The following UTP6 variants were observed in gnomAD, a reference collection of about 807,000 sequenced individuals.
UTP6 encodes UTP6 small subunit processome component.
In UTP6, 60 loss-of-function variants were observed where a neutral mutation model predicts 96.5. The ratio of observed to expected loss-of-function variants is 0.62; its 90% confidence interval spans 0.51 to 0.77. UTP6 has a LOEUF of 0.77. Among genes scored for constraint, UTP6 ranks in the 30% least tolerant of loss-of-function variants. The pLI is 0.00. For synonymous variants in UTP6, 215 were observed against 240.1 expected (o/e 0.90, Z 0.96); for missense variants, 637 against 706.5 (o/e 0.90, Z 1.12).
intron 16 of UTP6, among the ~76,000 whole-genome samples, chr17:31,870,258 C>T (rs1215366713): frequency 6.6e-6 from 1 of 152,112 alleles, no homozygotes; most frequent in African/African-American, 2.4e-5. Context: ...AGCTGATTTC[C>T]ACAGTGGCTG....
intron 6 of UTP6, among the ~76,000 whole-genome samples, chr17:31,891,037 C>T (rs1911463686): frequency 6.6e-6 from 1 of 151,942 alleles, no homozygotes; most frequent in African/African-American, 2.4e-5. Flanking sequence ...TCTCTAAAAC[C>T]CTTTGTCCTT....
chr17:31,880,944 G>A (rs1910796191), intron 10 of UTP6, among the ~76,000 whole-genome samples, 190 bp from the exon 11 acceptor site: 1 of 152,174 alleles, frequency 6.6e-6, no homozygotes. Flanking sequence ...GGGAGTCTGA[G>A]GTGGGTGGAT....
In UTP6 at chr17:31,887,227, G is replaced by C; in HGVS notation, c.621+9C>G. ...TTAGCAAGTGAGAATAAAATAATTA[G>C]AACCTTACCACATCCATACTGGCTT... On this transcript the variant is annotated intron_variant, in intron 8 of 18. Transcript: ENST00000261708. The C allele has an allele frequency of 3.1e-6, 5 of 1,611,960 alleles. No individual in the cohort carries two copies. Among genetic ancestry groups the C allele is most frequent in the Non-Finnish European group, 4.2e-6 (5 of 1,178,134 alleles).
chr17:31,871,214 G>A (rs188909661), intron 16 of UTP6, among the ~76,000 whole-genome samples: 115 of 151,484 alleles, frequency 7.6e-4, no homozygotes, highest in African/African-American at 2.6e-3. Flanking sequence ...GGATGGTCTC[G>A]AACTCCTGAC....
Position 31,868,096 on chromosome 17 carries a change from G to C in UTP6, c.1513C>G (p.Pro505Ala). ...TTCCTGAAAAAGTCAACTGAAAATG[G>C]TCGGCTCTCCTGTAAACTAAAAAGG... is the stretch of plus-strand genomic sequence containing the variant. ...AVFKSLQESR[P>A]FSVDFFRKMI... Residue 505 changes from proline (P) to alanine (A), a missense_variant, in exon 17 of 19, where the codon CCA becomes GCA. Transcript: ENST00000261708. 6.2e-7 allele frequency: 1 copy of C among 1,613,198 alleles called. No individual in the cohort carries two copies.
Position 31,863,483 on chromosome 17 carries a change from T to C in UTP6, c.1670A>G (p.Asn557Ser). Residue 557 changes from asparagine to serine, a missense_variant, in exon 19 of 19, where the codon AAC (asparagine) becomes AGC (serine). By Grantham distance (46) the Asn-to-Ser change is conservative. Transcript: ENST00000261708. The stretch of plus-strand genomic sequence containing the variant: ...GTTCTCAGGTCTACCAAGGGGGTGG[T>C]TCAATTCTTCTTTCATATAATCCAT... Reference protein sequence around the residue: ...LWMDYMKEELNHPLGRPENCG... With the variant: ...LWMDYMKEELSHPLGRPENCG... 6.2e-7 allele frequency: 1 copy of C among 1,612,070 alleles called. No individual in the cohort carries two copies.
At chr17:31,895,977 C>CTCCA (rs1324504625) in intron 2 of UTP6, among the ~76,000 whole-genome samples, 2 of 150,476 alleles carry the variant, frequency 1.3e-5, no homozygotes, top group African/African-American at 4.9e-5. Context: ...TGTCACTGCA[C>CTCCA]TCCAGCCTGG....
At position 31,871,244 on chromosome 17, in the gene UTP6, G is replaced by A. The variant is rs568809889; in HGVS notation, c.1496+2134C>T. 5.3e-5 allele frequency among the ~76,000 whole-genome samples: 8 copies of A among 151,552 alleles called. No individual in the cohort carries two copies. The East Asian group carries it at 7.8e-4, about 15-fold the overall frequency. On this transcript the variant is annotated intron_variant, in intron 16 of 18. Transcript: ENST00000261708. The stretch of plus-strand genomic sequence containing the variant: ...CCTGACCTTGTGATCCGCCCGCCTC[G>A]GCCTCCTAAAGTGCTAGGATTACAG...
At chr17:31,889,174 C>A (rs1007925075) in intron 7 of UTP6, 111 bp downstream of exon 7, 8 of 708,802 alleles carry the variant, frequency 1.1e-5, no homozygotes, top group African/African-American at 5.4e-5. Context: ...GTAATCCCAG[C>A]TACTCGGGAG....
intron 17 of UTP6, among the ~76,000 whole-genome samples, chr17:31,866,986 G>C (rs1048040579): frequency 6.7e-6 from 1 of 149,918 alleles, no homozygotes; most frequent in Non-Finnish European, 1.5e-5. Context: ...ATATGTGCAC[G>C]GCATTATGCA....
intron 4 of UTP6, among the ~76,000 whole-genome samples, chr17:31,893,041 C>T (rs1904418944): frequency 6.6e-6 from 1 of 151,908 alleles, no homozygotes; most frequent in Admixed American, 6.6e-5. Flanking sequence ...GAGGCCAAGG[C>T]GGATTGATCA....
intron 8 of UTP6, among the ~76,000 whole-genome samples, chr17:31,886,882 T>A (rs943437529): frequency 1.3e-5 from 2 of 152,208 alleles, no homozygotes; most frequent in Non-Finnish European, 2.9e-5. Flanking sequence ...TAAAGAATAG[T>A]ATTTGGCTAT....
In UTP6 at chr17:31,875,377, C is replaced by T; in HGVS notation, c.1162G>A (p.Ala388Thr). Reference sequence around the variant, plus strand: ...GTTCCAGCTACTGCCACTTCCAGAGCTTCCCTCAGGAAGTTATAACACAGC... The same window carrying T: ...GTTCCAGCTACTGCCACTTCCAGAGTTTCCCTCAGGAAGTTATAACACAGC... ...SLLCYNFLREALEVAVAGTEL... is the reference protein window; with the variant it reads ...SLLCYNFLRETLEVAVAGTEL... Residue 388 changes from alanine to threonine, a missense_variant, in exon 14 of 19, where the codon GCT becomes ACT. By Grantham distance (58) the Ala-to-Thr change is moderately conservative. Transcript: ENST00000261708. The T allele has an allele frequency of 1.9e-6, 3 of 1,614,180 alleles. No homozygotes were observed. The highest frequency in any genetic ancestry group is 8.5e-7 in the Non-Finnish European group (1 of 1,180,040).
intron 18 of UTP6, among the ~76,000 whole-genome samples, chr17:31,864,406 C>T (rs1346288827): frequency 6.6e-6 from 1 of 151,990 alleles, no homozygotes; most frequent in Admixed American, 6.6e-5. Flanking sequence ...TAAAAATAAA[C>T]AAATCAATGT....
intron 3 of UTP6, 104 bp downstream of exon 3, chr17:31,894,866 A>C: frequency 1.6e-6 from 2 of 1,279,118 alleles, no homozygotes; most frequent in Non-Finnish European, 2.2e-6. Context: ...TAGGCATATC[A>C]CCACAGTTTT....
chr17:31,887,122 CAA>C, intron 8 of UTP6, 112 bp downstream of exon 8: 1 of 941,594 alleles, frequency 1.1e-6, no homozygotes, highest in Non-Finnish European at 1.5e-6. Context: ...GACTCCGTCT[CAA>C]AAAAAAAGAA....
intron 14 of UTP6, 83 bp from the exon 15 acceptor site, chr17:31,873,836 T>A (rs1231425667): frequency 1.4e-6 from 2 of 1,430,324 alleles, no homozygotes; most frequent in African/African-American, 2.9e-5. Flanking sequence ...TAAAATATTA[T>A]GTATCAATTT....
At chr17:31,881,780 A>G (rs958309612) in intron 10 of UTP6, among the ~76,000 whole-genome samples, 4 of 151,808 alleles carry the variant, frequency 2.6e-5, no homozygotes, top group African/African-American at 7.3e-5. Flanking sequence ...TGCAGCCTCC[A>G]CCTCCCAGGC....
At chr17:31,882,812 G>C (rs533269084) in intron 10 of UTP6, among the ~76,000 whole-genome samples, 1 of 151,688 alleles carries the variant, frequency 6.6e-6, no homozygotes, top group African/African-American at 2.4e-5. Flanking sequence ...TTGAGACAGG[G>C]TCTCACTCTG....
Sources: gnomAD v4.1 joint callset for allele counts (sites outside exome capture counted in the v4.1 genomes callset) on GRCh38, gnomAD v4.1.1 for gene constraint, MANE v1.5 for transcripts, NCBI Gene and HGNC (gene_info 2026-07-23, HGNC 2026-07-21) for gene names.